The following CDH22 variants were observed in gnomAD, a reference collection of about 807,000 sequenced individuals.
CDH22 encodes cadherin 22.
In CDH22, 30 loss-of-function variants were observed where a neutral mutation model predicts 58.4. The observed-to-expected ratio is 0.51, with a 90% CI of 0.38 to 0.70. The LOEUF is 0.70. CDH22 is among the 30% of genes least tolerant of loss of function. The pLI, the probability that CDH22 is intolerant of heterozygous loss-of-function variation, is 0.00. For synonymous variants in CDH22, 513 were observed against 558.2 expected, an observed-to-expected ratio of 0.92 and a Z score of 1.14; for missense variants, 1,014 against 1,233.9, an observed-to-expected ratio of 0.82 and a Z score of 2.67.
rs145141491 is a variant in CDH22, at chr20:46,178,169, G to C, written c.1692C>G (p.His564Gln). Residue 564 changes from histidine to glutamine, a missense_variant, in exon 11 of 12, where the codon CAC becomes CAG. Physicochemically the swap from His to Gln is conservative, Grantham distance 24. Transcript: ENST00000537909. ...CCTGCTCCTGCCGGTTGAAGCCCAC[G>C]TGCTGCGTGTGCACTGCAGCGGTGT... is the stretch of plus-strand genomic sequence containing the variant. ...QDNTAAVHTQ[H>Q]VGFNRQEQDV... The C allele has an allele frequency of 2.1e-3, 3,339 of 1,613,920 alleles. 10 individuals carry two copies. The highest frequency in any genetic ancestry group is 2.8e-3 in the Admixed American group (167 of 60,014).
intron 10 of CDH22, among the ~76,000 whole-genome samples, chr20:46,180,218 G>A (rs1170074104): frequency 6.6e-6 from 1 of 152,156 alleles, no homozygotes; most frequent in Non-Finnish European, 1.5e-5. Context: ...GGTGGTCTTG[G>A]GTCAGCCCCT....
chr20:46,213,328 T>C (rs1240033929), intron 5 of CDH22, 140 bp from the exon 6 acceptor site: 2 of 621,294 alleles, frequency 3.2e-6, no homozygotes, highest in African/African-American at 1.8e-5. Context: ...TTGGCCAGAA[T>C]GGGGGCTGGG....
intron 3 of CDH22, among the ~76,000 whole-genome samples, chr20:46,240,597 G>C (rs927506018): frequency 2.6e-5 from 4 of 152,142 alleles, no homozygotes; most frequent in Non-Finnish European, 4.4e-5. Context: ...TTGTGTACCA[G>C]TGTAGTGGTG....
chr20:46,277,891 G>A (rs1003237857), intron 1 of CDH22, among the ~76,000 whole-genome samples: 2 of 151,832 alleles, frequency 1.3e-5, no homozygotes, highest in East Asian at 1.9e-4. Flanking sequence ...GGGAGGGGGC[G>A]GTAGCTGGAG....
chr20:46,248,766 G>A (rs532973769), intron 2 of CDH22, among the ~76,000 whole-genome samples: 13 of 152,276 alleles, frequency 8.5e-5, no homozygotes, highest in South Asian at 6.2e-4. Context: ...AACTGAGATC[G>A]TGTCACCGCA....
intron 1 of CDH22, among the ~76,000 whole-genome samples, chr20:46,299,947 C>G (rs1407713883): frequency 6.6e-6 from 1 of 152,034 alleles, no homozygotes; most frequent in Admixed American, 6.5e-5. Context: ...GACCTCCCAG[C>G]CCCCTCCCAC....
At chr20:46,233,861 C>T (rs190174338) in intron 3 of CDH22, among the ~76,000 whole-genome samples, 4 of 152,336 alleles carry the variant, frequency 2.6e-5, no homozygotes, top group East Asian at 3.9e-4. Context: ...AGATATTGCA[C>T]GTATAGATCT....
chr20:46,246,577 G>A (rs954043277), intron 2 of CDH22, among the ~76,000 whole-genome samples: 13 of 152,150 alleles, frequency 8.5e-5, no homozygotes, highest in Admixed American at 3.3e-4. Flanking sequence ...GAGAAGGTTC[G>A]GGGAGAGGTG....
Position 46,174,306 on chromosome 20 carries a change from G to C in CDH22, c.*200C>G, listed in dbSNP as rs1344288853. ...TTTTAATGCCGTTGGTCAGAATCCC[G>C]CACCTCTGGGCTCCAAAGCTGCACC... is the stretch of plus-strand genomic sequence containing the variant. On this transcript the variant is annotated 3_prime_UTR_variant, in exon 12 of 12. Transcript: ENST00000537909. The surrounding 1 kb of genome is among the most constrained non-coding windows in gnomAD (Gnocchi z 4.4). The C allele has an allele frequency of 2.0e-6, 1 of 512,682 alleles. No individual in the cohort carries two copies. The highest frequency in any genetic ancestry group is 3.4e-6 in the Non-Finnish European group (1 of 295,128). 31.8% of individuals were successfully genotyped at this position (512,682 alleles called of 1,614,324 possible).
At chr20:46,209,316 G>A (rs1193774666) in intron 7 of CDH22, among the ~76,000 whole-genome samples, 1 of 152,212 alleles carries the variant, frequency 6.6e-6, no homozygotes, top group Non-Finnish European at 1.5e-5. Context: ...TGAGCGTGGT[G>A]TGTTTGCAAG....
chr20:46,180,376 T>C (rs2085775890), intron 10 of CDH22, among the ~76,000 whole-genome samples: 1 of 152,200 alleles, frequency 6.6e-6, no homozygotes, highest in Non-Finnish European at 1.5e-5. Flanking sequence ...TTGGCAAGGT[T>C]GAGTCAAGTT....
intron 4 of CDH22, among the ~76,000 whole-genome samples, chr20:46,225,982 A>T (rs1030277294): frequency 6.6e-6 from 1 of 152,062 alleles, no homozygotes; most frequent in Non-Finnish European, 1.5e-5. Flanking sequence ...ACCCAAATCC[A>T]TCAACTCCCC....
chr20:46,270,194 G>C (rs1158473480), intron 1 of CDH22, among the ~76,000 whole-genome samples: 2 of 152,334 alleles, frequency 1.3e-5, no homozygotes, highest in Non-Finnish European at 2.9e-5. Context: ...CCTTGCTACA[G>C]GGCTGGGTCT....
At chr20:46,205,349 T>G (rs1353077215) in intron 7 of CDH22, among the ~76,000 whole-genome samples, 2 of 152,086 alleles carry the variant, frequency 1.3e-5, no homozygotes, top group Middle Eastern at 3.2e-3. Flanking sequence ...TGGTAGACAT[T>G]TAATACCTAT....
At position 46,212,994 on chromosome 20, in the gene CDH22, C is replaced by A. The variant is rs2086055042; in HGVS notation, c.1032+1G>T. 6.2e-7 allele frequency: 1 copy of A among 1,613,710 alleles called. No homozygotes were observed. Among genetic ancestry groups the A allele is most frequent in the African/African-American group, 1.3e-5 (1 of 74,906 alleles). Reference sequence around the variant, plus strand: ...CCCCATTCCTCCTGAGGCAGCTGCACCTTCTGCACTACGATGATGGCCTCC... The same window carrying A: ...CCCCATTCCTCCTGAGGCAGCTGCAACTTCTGCACTACGATGATGGCCTCC... On this transcript the variant is annotated splice_donor_variant, in intron 6 of 11. Coordinates refer to ENST00000537909, the MANE Select transcript of CDH22 (RefSeq NM_021248.3). LOFTEE classifies it high-confidence loss of function.
rs56771727 is a variant in CDH22 at position 46,301,504 on chromosome 20, A to AATAT, written c.-400+6747_-400+6750dup. Among the ~76,000 whole-genome samples, 167 of 150,020 alleles carry AATAT rather than the reference A, an allele frequency of 1.1e-3. 1 individual carries two copies. The highest frequency in any genetic ancestry group is 6.3e-3 in the South Asian group (30 of 4,746). ...TTATCTGTAACTTGCCTATTAAAAA[A>AATAT]ATATATATATATATGTATATATATG... On this transcript the variant is annotated intron_variant, in intron 1 of 11. Transcript: ENST00000537909.
rs1239729329 is a variant in CDH22, at chr20:46,308,159, C to T, written c.-400+96G>A. On this transcript the variant is annotated intron_variant, in intron 1 of 11. Transcript: ENST00000537909. The surrounding 1 kb of genome is among the most constrained non-coding windows in gnomAD (Gnocchi z 4.3). ...AGGCTCGCCCCCCGCGCCGCCTGCC[C>T]GGCCGCTCCCGCCGGCCAGGGGGCT... 1 of 151,040 alleles carries T rather than the reference C, an allele frequency of 6.6e-6. No individual in the cohort carries two copies. The highest frequency in any genetic ancestry group is 2.0e-4 in the East Asian group (1 of 5,072). The allele number at this position is 151,040 out of a possible 1,614,324, so 9.4% of individuals were successfully genotyped here. A position where few individuals can be genotyped will look rare whatever the true frequency, so the allele number is the denominator to read the frequency against.
chr20:46,225,820 T>C (rs1251494792), intron 4 of CDH22, among the ~76,000 whole-genome samples: 1 of 152,154 alleles, frequency 6.6e-6, no homozygotes, highest in Admixed American at 6.5e-5. Context: ...ATTTCTTTAA[T>C]GTTTGAATGT....
At chr20:46,230,894 C>T (rs767162168) in intron 3 of CDH22, among the ~76,000 whole-genome samples, 4 of 152,194 alleles carry the variant, frequency 2.6e-5, no homozygotes. Flanking sequence ...AGGAGAGAGG[C>T]AGGTTTCAAA....
Sources: allele counts gnomAD v4.1 joint callset (sites outside exome capture counted in the v4.1 genomes callset), GRCh38; gene constraint gnomAD v4.1.1; non-coding constraint Gnocchi (gnomAD v3.1); transcripts MANE v1.5; gene names NCBI Gene and HGNC (gene_info 2026-07-23, HGNC 2026-07-21).